The following JPT2 variants were observed in gnomAD, a reference collection of about 807,000 sequenced individuals.
The protein encoded by JPT2 is CRAMP_1 like.
Under a neutral mutation model 15.9 loss-of-function variants are expected in JPT2, and 9 were observed. The ratio of observed to expected loss-of-function variants is 0.57; its 90% CI spans 0.34 to 0.99. The LOEUF (loss-of-function observed/expected upper bound fraction) is 0.99. JPT2 is among the 50% of genes least tolerant of loss of function. JPT2 has a pLI of 0.02. For missense variants in JPT2, 267 were observed against 252.1 expected (o/e 1.06, Z -0.40); for synonymous variants, 95 against 91.7 (o/e 1.04, Z -0.21).
intron 3 of JPT2, among the ~76,000 whole-genome samples, chr16:1,694,038 G>A (rs770885773): frequency 3.3e-5 from 5 of 152,146 alleles, no homozygotes; most frequent in Admixed American, 6.5e-5. Flanking sequence ...TGACAGAAGG[G>A]GGCATTTAGC....
At chr16:1,684,586 C>G (rs1031260309) in intron 1 of JPT2, among the ~76,000 whole-genome samples, 3 of 152,000 alleles carry the variant, frequency 2.0e-5, no homozygotes, top group Non-Finnish European at 4.4e-5. Flanking sequence ...ACTAAAAATA[C>G]AAAATTAGCT....
intron 1 of JPT2, among the ~76,000 whole-genome samples, chr16:1,682,155 C>G (rs1176978143): frequency 6.6e-6 from 1 of 151,998 alleles, no homozygotes; most frequent in African/African-American, 2.4e-5. Context: ...GCGGGCGGAT[C>G]ACTTGAGGTC....
intron 1 of JPT2, 71 bp from the exon 2 acceptor site, chr16:1,685,368 G>A: frequency 1.3e-6 from 2 of 1,535,234 alleles, no homozygotes; most frequent in South Asian, 1.2e-5. Context: ...GTCTAGTTGT[G>A]CCAAAATCCT....
At position 1,691,939 on chromosome 16, in the gene JPT2, C is replaced by T; in HGVS notation, c.290C>T (p.Ser97Phe). 4 of 1,614,198 alleles carry T rather than the reference C, an allele frequency of 2.5e-6. No individual in the cohort carries two copies. The highest frequency in any genetic ancestry group is 3.4e-6 in the Non-Finnish European group (4 of 1,180,044). Residue 97 changes from serine (S) to phenylalanine (F), a missense_variant, in exon 3 of 5, where the codon TCT (serine) becomes TTT (phenylalanine). Coordinates refer to ENST00000248098, the MANE Select transcript of JPT2 (RefSeq NM_144570.3). Reference protein sequence around the residue: ...PGGKTSDIFGSPVTATSRLAH... With the variant: ...PGGKTSDIFGFPVTATSRLAH... ...GGGAAGACCAGCGACATTTTTGGGT[C>T]TCCGGTCACTGCCACTTCACGCTTG... is the stretch of plus-strand genomic sequence containing the variant.
intron 1 of JPT2, among the ~76,000 whole-genome samples, chr16:1,679,922 G>T (rs2037008369): frequency 6.6e-6 from 1 of 152,026 alleles, no homozygotes; most frequent in Non-Finnish European, 1.5e-5. Flanking sequence ...CCGGGTGTGG[G>T]GTGGCGGGTG....
intron 1 of JPT2, chr16:1,680,493 G>T: frequency 8.0e-7 from 1 of 1,251,734 alleles, no homozygotes; most frequent in African/African-American, 1.5e-5. Flanking sequence ...TGAACTGGAT[G>T]ATGAGGTATC....
rs1435524067 is a variant in JPT2, at chr16:1,699,365, A to G, written c.*367A>G. 4.3e-6 allele frequency: 2 copies of G among 467,506 alleles called. No individual in the cohort carries two copies. The highest frequency in any genetic ancestry group is 4.3e-6 in the Non-Finnish European group (1 of 235,070). 29.0% of individuals were successfully genotyped at this position (467,506 alleles called of 1,614,324 possible). A position where few individuals can be genotyped will look rare whatever the true frequency, so the allele number is the denominator to read the frequency against. On this transcript the variant is annotated 3_prime_UTR_variant, in exon 5 of 5. Transcript: ENST00000248098. ...TGAAAGAAACCAAAACAGCCTGTCC[A>G]CTGCTGCTGTGGGATGGAGGAGGCG...
intron 2 of JPT2, among the ~76,000 whole-genome samples, chr16:1,687,776 T>A (rs951735253): frequency 1.3e-5 from 2 of 152,196 alleles, no homozygotes; most frequent in Non-Finnish European, 2.9e-5. Flanking sequence ...GAAGACGGTT[T>A]ATGGTATATT....
At chr16:1,678,646 C>T (rs977629607) in intron 1 of JPT2, among the ~76,000 whole-genome samples, 2 of 152,178 alleles carry the variant, frequency 1.3e-5, no homozygotes, top group Non-Finnish European at 2.9e-5. Flanking sequence ...GGAGGGCGGG[C>T]TGCGCTCCCT....
intron 3 of JPT2, among the ~76,000 whole-genome samples, chr16:1,695,964 A>C (rs572124019): frequency 5.3e-4 from 80 of 151,962 alleles, no homozygotes; most frequent in African/African-American, 1.9e-3. Flanking sequence ...CACAGTGGCT[A>C]ACACCTGTAA....
rs772411188 is a variant in JPT2, at chr16:1,699,029, C to G, written c.*31C>G. 4.4e-6 allele frequency: 7 copies of G among 1,604,770 alleles called. No homozygotes were observed. Among genetic ancestry groups the G allele is most frequent in the Non-Finnish European group, 6.0e-6 (7 of 1,173,260 alleles). On this transcript the variant is annotated 3_prime_UTR_variant, in exon 5 of 5. Coordinates refer to ENST00000248098, the MANE Select transcript of JPT2 (RefSeq NM_144570.3). ...GCCACTGCTCCACCCGGAGCCAGACCAGAAACTCAAGAGATAGGGTAGCCA... is the reference window on the plus strand; with the variant it reads ...GCCACTGCTCCACCCGGAGCCAGACGAGAAACTCAAGAGATAGGGTAGCCA...
At chr16:1,678,938 G>C (rs1172874643) in intron 1 of JPT2, among the ~76,000 whole-genome samples, 1 of 152,184 alleles carries the variant, frequency 6.6e-6, no homozygotes, top group Non-Finnish European at 1.5e-5. Flanking sequence ...CCTTTGGAAA[G>C]TGCCAGGGCG....
chr16:1,689,806 G>T (rs2037092201), intron 2 of JPT2: 1 of 152,092 alleles, frequency 6.6e-6, no homozygotes, highest in Non-Finnish European at 1.5e-5. Context: ...CTTGTCCAAG[G>T]TCTCACAGTT....
chr16:1,695,907 A>C (rs544979754), intron 3 of JPT2, among the ~76,000 whole-genome samples: 1 of 152,204 alleles, frequency 6.6e-6, no homozygotes, highest in African/African-American at 2.4e-5. Flanking sequence ...TAAAGTTATA[A>C]ACTTCTGTGC....
intron 3 of JPT2, among the ~76,000 whole-genome samples, chr16:1,693,087 GTGTTTTTTCGTTTTATTT>G (rs778578537): frequency 6.6e-6 from 1 of 152,074 alleles, no homozygotes; most frequent in African/African-American, 2.4e-5. Context: ...AGGTTTGGTC[GTGTTTTTTCGTTTTATTT>G]TGTTTTTTCT....
intron 2 of JPT2, chr16:1,688,270 GGTAGCAGAACTAGTCC>G (rs1432807993): frequency 1.4e-4 from 22 of 152,206 alleles, no homozygotes; most frequent in African/African-American, 4.6e-4. Context: ...AGAGCTAGTC[GGTAGCAGAACTAGTCC>G]GTAGCAGAGC....
At chr16:1,691,229 T>G (rs2037101742) in intron 2 of JPT2, among the ~76,000 whole-genome samples, 1 of 152,198 alleles carries the variant, frequency 6.6e-6, no homozygotes, top group Non-Finnish European at 1.5e-5. Context: ...AGTCACCTGC[T>G]ACTAGGAAGT....
chr16:1,684,945 CTAAAG>C (rs2037053654), intron 1 of JPT2, among the ~76,000 whole-genome samples: 1 of 150,580 alleles, frequency 6.6e-6, no homozygotes, highest in African/African-American at 2.4e-5. Flanking sequence ...TTAAGGGAAA[CTAAAG>C]AGCAGCAGAA....
In JPT2 at chr16:1,678,280, G is replaced by A; in HGVS notation, c.-33G>A. 3 of 1,235,188 alleles carry A rather than the reference G, an allele frequency of 2.4e-6. No homozygotes were observed. The highest frequency in any genetic ancestry group is 3.0e-6 in the Non-Finnish European group (3 of 986,596). The allele number at this position is 1,235,188 out of a possible 1,614,324, so 76.5% of individuals were successfully genotyped here. ...TACCTGCGCTGGGCGGGCGGGAACG[G>A]CGCGCGGCGAGCTGAGGGTGGCGGC... On this transcript the variant is annotated 5_prime_UTR_variant, in exon 1 of 5. Transcript: ENST00000248098.
Sources: gnomAD v4.1 joint callset for allele counts (sites outside exome capture counted in the v4.1 genomes callset) on GRCh38, gnomAD v4.1.1 for gene constraint, MANE v1.5 for transcripts, NCBI Gene and HGNC (gene_info 2026-07-23, HGNC 2026-07-21) for gene names.